The following USP25 variants were observed in gnomAD, a reference collection of about 807,000 sequenced individuals.
USP25 encodes ubiquitin specific peptidase 25, also known as ubiquitin carboxyl-terminal hydrolase 25.
In USP25, 85 loss-of-function variants were observed where a neutral mutation model predicts 158.5. That is an observed-to-expected ratio of 0.54 (90% CI 0.45 to 0.64). The LOEUF (loss-of-function observed/expected upper bound fraction) is 0.64. Ranked by LOEUF, USP25 falls within the 30% of genes least tolerant of loss-of-function variation. USP25 has a pLI of 0.00. For synonymous variants in USP25, 464 were observed against 460.4 expected (o/e 1.01, Z -0.10); for missense variants, 1,242 against 1,327.3 (o/e 0.94, Z 1.00).
intron 17 of USP25, among the ~76,000 whole-genome samples, chr21:15,839,361 T>C (rs747235297): frequency 3.3e-5 from 5 of 152,150 alleles, no homozygotes; most frequent in Non-Finnish European, 5.9e-5. Context: ...AACAATTGTA[T>C]TATATGGTAA....
At chr21:15,878,251 G>T in intron 25 of USP25, 52 bp from the exon 26 acceptor site, 1 of 1,567,430 alleles carries the variant, frequency 6.4e-7, no homozygotes, top group Non-Finnish European at 8.7e-7. Flanking sequence ...TGTTGACAAT[G>T]ATCGTGTAAT....
intron 3 of USP25, among the ~76,000 whole-genome samples, chr21:15,776,015 C>G (rs1214885626): frequency 6.6e-6 from 1 of 152,068 alleles, no homozygotes; most frequent in Non-Finnish European, 1.5e-5. Flanking sequence ...ATTATCCTTT[C>G]TCTACTTAGA....
intron 2 of USP25, among the ~76,000 whole-genome samples, chr21:15,764,915 G>C (rs1391906388): frequency 1.3e-5 from 2 of 152,006 alleles, no homozygotes; most frequent in Non-Finnish European, 2.9e-5. Flanking sequence ...TCTGCCAGCT[G>C]CTCAGTCCTT....
At position 15,785,396 on chromosome 21, in the gene USP25, G is replaced by A. The variant is rs190783935; in HGVS notation, c.393-6106G>A. Among the ~76,000 whole-genome samples, 477 of 152,218 alleles carry A rather than the reference G, an allele frequency of 3.1e-3. 3 individuals are homozygous for A. Among genetic ancestry groups the A allele is most frequent in the Non-Finnish European group, 4.9e-3 (336 of 67,992 alleles). Reference sequence around the variant, plus strand: ...GGACATTTACAGAACATGAACAGCCGCAGAATACACATTCTTTTCAACTGT... The same window carrying A: ...GGACATTTACAGAACATGAACAGCCACAGAATACACATTCTTTTCAACTGT... On this transcript the variant is annotated intron_variant, in intron 4 of 25. Coordinates refer to ENST00000400183, the MANE Select transcript of USP25 (RefSeq NM_001283041.3).
chr21:15,754,949 A>G (rs191609939), intron 1 of USP25, among the ~76,000 whole-genome samples: 2 of 152,342 alleles, frequency 1.3e-5, no homozygotes, highest in East Asian at 3.9e-4. Context: ...TTCTTATGGT[A>G]AGAGAACATG....
At chr21:15,874,631 G>A in intron 24 of USP25, 105 bp downstream of exon 24, 1 of 1,160,566 alleles carries the variant, frequency 8.6e-7, no homozygotes, top group Non-Finnish European at 1.2e-6. Context: ...GAGGGGATAA[G>A]AACATGATGA....
At chr21:15,864,554 ATTT>A in intron 21 of USP25, 108 bp downstream of exon 21, 2 of 1,009,606 alleles carry the variant, frequency 2.0e-6, no homozygotes, top group Non-Finnish European at 2.8e-6. Context: ...ATGGGCACAT[ATTT>A]TAATAAATAC....
At chr21:15,831,274 T>G in intron 15 of USP25, 127 bp from the exon 16 acceptor site, 9 of 792,254 alleles carry the variant, frequency 1.1e-5, no homozygotes, top group Non-Finnish European at 1.0e-5. Context: ...CCCAGCCAGT[T>G]CTCTCTCATT....
chr21:15,854,787 T>A (rs1765868956), intron 20 of USP25, among the ~76,000 whole-genome samples: 1 of 152,094 alleles, frequency 6.6e-6, no homozygotes, highest in South Asian at 2.1e-4. Flanking sequence ...CACGTGAACG[T>A]CTACCCAATA....
intron 20 of USP25, among the ~76,000 whole-genome samples, chr21:15,852,949 A>G (rs1232490986): frequency 2.0e-5 from 3 of 152,286 alleles, no homozygotes; most frequent in South Asian, 4.1e-4. Context: ...ACTCTAGCTG[A>G]TAATATGTCA....
At chr21:15,761,900 G>C (rs904878970) in intron 1 of USP25, among the ~76,000 whole-genome samples, 1 of 151,960 alleles carries the variant, frequency 6.6e-6, no homozygotes, top group Non-Finnish European at 1.5e-5. Flanking sequence ...TGCCCTATGC[G>C]CCTTGGTCAA....
At chr21:15,742,435 T>C (rs183002277) in intron 1 of USP25, among the ~76,000 whole-genome samples, 50 of 152,310 alleles carry the variant, frequency 3.3e-4, no homozygotes, top group African/African-American at 1.2e-3. Flanking sequence ...GTTTTGTGTC[T>C]TAATTCATGC....
At chr21:15,815,640 T>A (rs1425543543) in intron 9 of USP25, among the ~76,000 whole-genome samples, 2 of 152,150 alleles carry the variant, frequency 1.3e-5, no homozygotes, top group Non-Finnish European at 2.9e-5. Context: ...TTTCAGACTG[T>A]AACCCCTTTG....
intron 14 of USP25, among the ~76,000 whole-genome samples, chr21:15,829,238 T>C (rs2037680248): frequency 6.6e-6 from 1 of 152,106 alleles, no homozygotes; most frequent in Admixed American, 6.6e-5. Context: ...GGGGGTTTGG[T>C]GTAAGATTAT....
In USP25 at chr21:15,831,483, G is replaced by C. The variant is rs1294613452; in HGVS notation, c.1847G>C (p.Arg616Pro). ...GHYWAYIFDH[R>P]ESRWMKYNDI... ...TACTGGGCATATATTTTTGATCATC[G>C]TGAAAGCAGATGGATGAAGTACAAT... is the stretch of plus-strand genomic sequence containing the variant. The change falls in exon 16 of 26, where the codon CGT (arginine) becomes CCT (proline). Residue 616 changes from arginine to proline, a missense_variant. Physicochemically the swap from Arg to Pro is moderately radical, Grantham distance 103. Around this residue, in one of 3 missense-constraint regions of USP25, gnomAD observed 608 missense variants for 605.2 expected, o/e 1.00. Transcript: ENST00000400183. The C allele has an allele frequency of 6.2e-7, 1 of 1,614,030 alleles. No individual in the cohort carries two copies. Among genetic ancestry groups the C allele is most frequent in the South Asian group, 1.1e-5 (1 of 91,072 alleles).
At chr21:15,824,666 G>T (rs1276850766) in intron 11 of USP25, among the ~76,000 whole-genome samples, 3 of 152,054 alleles carry the variant, frequency 2.0e-5, no homozygotes. Flanking sequence ...GCCCAGGCTG[G>T]AGTGCAGTGG....
intron 10 of USP25, among the ~76,000 whole-genome samples, chr21:15,821,166 A>G (rs956883084): frequency 2.0e-5 from 3 of 151,822 alleles, no homozygotes; most frequent in Admixed American, 1.3e-4. Flanking sequence ...CTTTTAGACT[A>G]TTGCTATGCA....
In USP25 at chr21:15,853,416, T is replaced by A. The variant is rs557398659; in HGVS notation, c.2547+3544T>A. On this transcript the variant is annotated intron_variant, in intron 20 of 25. Transcript: ENST00000400183. ...TAGATATATTCTCATTTCTTGTATC[T>A]TACCCTCTTTATGGACATGTGTCCT... Among the ~76,000 whole-genome samples the A allele has an allele frequency of 2.6e-5, 4 of 152,304 alleles. No homozygotes were observed. The East Asian group carries it at 7.7e-4, about 29-fold the overall frequency.
chr21:15,821,896 T>C (rs913816702), intron 10 of USP25, among the ~76,000 whole-genome samples: 8 of 151,976 alleles, frequency 5.3e-5, no homozygotes, highest in African/African-American at 9.7e-5. Flanking sequence ...AGGAACTACT[T>C]TTGTTAACAG....
Sources: gnomAD v4.1 joint callset for allele counts (sites outside exome capture counted in the v4.1 genomes callset) on GRCh38, gnomAD v4.1.1 for gene constraint, gnomAD v4.1.1 regional missense constraint, MANE v1.5 for transcripts, NCBI Gene and HGNC (gene_info 2026-07-23, HGNC 2026-07-21) for gene names.